CTNNB1: variants seen among roughly 807,000 people sequenced by gnomAD.
CTNNB1 encodes catenin beta 1.
A neutral mutation model predicts 82.5 loss-of-function variants in CTNNB1; 6 were observed. The ratio of observed to expected loss-of-function variants is 0.07; its 90% CI spans 0.04 to 0.14. The LOEUF is 0.14. Among genes scored for constraint, CTNNB1 ranks in the 10% least tolerant of loss-of-function variants. The probability of loss-of-function intolerance (pLI) is 1.00; values close to 1 mark genes in which losing one functional copy is unlikely to be tolerated. For synonymous variants in CTNNB1, 312 were observed against 329.7 expected, an observed-to-expected ratio of 0.95 and a Z score of 0.58; for missense variants, 529 against 980.4, an observed-to-expected ratio of 0.54 and a Z score of 6.15.
Position 41,233,840 on chromosome 3 carries a change from C to T in CTNNB1, c.1497C>T (p.His499=), listed in dbSNP as rs1254407353. Residue 499 remains histidine (H), a synonymous_variant, in exon 9 of 15, where the codon CAC becomes CAT. Coordinates refer to ENST00000349496, the MANE Select transcript of CTNNB1 (RefSeq NM_001904.4). ...YGLPVVVKLL[H]PPSHWPLIKA... The stretch of plus-strand genomic sequence containing the variant: ...TACCAGTTGTGGTTAAGCTCTTACA[C>T]CCACCATCCCACTGGCCTCTGATAA... 6.2e-7 allele frequency: 1 copy of T among 1,613,782 alleles called. No homozygotes were observed. The highest frequency in any genetic ancestry group is 1.3e-5 in the African/African-American group (1 of 74,872).
chr3:41,220,705 G>A (rs1173900129), intron 1 of CTNNB1: 2 of 152,060 alleles, frequency 1.3e-5, no homozygotes, highest in Admixed American at 6.6e-5. Flanking sequence ...ACTTTAAAAC[G>A]GGGAATAATT....
In CTNNB1 at chr3:41,234,261, C is replaced by T. The variant is rs1236283993; in HGVS notation, c.1647C>T (p.Arg549=). 1 of 1,614,184 alleles carries T rather than the reference C, an allele frequency of 6.2e-7. No homozygotes were observed. Residue 549 remains arginine (R), a synonymous_variant, in exon 10 of 15, where the codon CGC becomes CGT. Transcript: ENST00000349496. ...TTCGTGCACATCAGGATACCCAGCG[C>T]CGTACGTCCATGGGTGGGACACAGC... ...LLVRAHQDTQ[R]RTSMGGTQQQ...
At chr3:41,233,114 A>G in intron 7 of CTNNB1, 1 of 599,734 alleles carries the variant, frequency 1.7e-6, no homozygotes, top group Non-Finnish European at 3.0e-6. Context: ...TTTTCGGCTT[A>G]GGAAAGGAAC....
At chr3:41,208,577 C>T (rs867224924) in intron 1 of CTNNB1, among the ~76,000 whole-genome samples, 1 of 152,158 alleles carries the variant, frequency 6.6e-6, no homozygotes, top group South Asian at 2.1e-4. Context: ...CCCTGTTCCT[C>T]ACCCTCACTT....
chr3:41,221,379 G>C (rs920857391), intron 1 of CTNNB1: 1 of 149,644 alleles, frequency 6.7e-6, no homozygotes, highest in South Asian at 2.1e-4. Flanking sequence ...ACAGGGTCTT[G>C]CTCTGTTGCC....
At chr3:41,216,894 C>G in intron 1 of CTNNB1, among the ~76,000 whole-genome samples, 1 of 151,966 alleles carries the variant, frequency 6.6e-6, no homozygotes, top group African/African-American at 2.4e-5. Context: ...TCCACCATCC[C>G]CCGCTCACCT....
rs1366116475 is a variant in CTNNB1, at chr3:41,239,984, CTCTTTTTTTTT to C, written c.*644_*654del. 1.4e-4 allele frequency: 8 copies of C among 58,974 alleles called. No individual in the cohort carries two copies. The highest frequency in any genetic ancestry group is 4.5e-4 in the African/African-American group (5 of 11,102). 3.7% of individuals were successfully genotyped at this position (58,974 alleles called of 1,614,324 possible). On this transcript the variant is annotated 3_prime_UTR_variant, in exon 15 of 15. Transcript: ENST00000349496. ...ACTGACTTTGCTTGCTTTGAAGTAG[CTCTTTTTTTTT>C]TTTTTTTTTTTTTTTTGCAGTAACT...
chr3:41,238,985 G>T (rs997702025), intron 14 of CTNNB1, 149 bp from the exon 15 acceptor site: 5 of 720,000 alleles, frequency 6.9e-6, no homozygotes, highest in Non-Finnish European at 1.2e-5. Context: ...GAAAGCTGGA[G>T]GTTGAAGAGG....
At chr3:41,230,795 T>G (rs758601381) in intron 7 of CTNNB1, among the ~76,000 whole-genome samples, 1 of 152,202 alleles carries the variant, frequency 6.6e-6, no homozygotes. Context: ...CACCATGTGC[T>G]ATGTCTTAGA....
chr3:41,224,968 T>A lies in CTNNB1; in HGVS notation c.256T>A (p.Tyr86Asn). ...ACCTTTTCCAGATATTGATGGACAG[T>A]ATGCAATGACTCGAGCTCAGAGGGT... ...QEQVADIDGQ[Y>N]AMTRAQRVRA... Residue 86 changes from tyrosine (Y) to asparagine (N), a missense_variant, in exon 4 of 15, where the codon TAT becomes AAT. Physicochemically the swap from Tyr to Asn is moderately radical, Grantham distance 143 (BLOSUM62 -2). Coordinates refer to ENST00000349496, the MANE Select transcript of CTNNB1 (RefSeq NM_001904.4). 6.2e-7 allele frequency: 1 copy of A among 1,614,054 alleles called. No individual in the cohort carries two copies. Among genetic ancestry groups the A allele is most frequent in the Non-Finnish European group, 8.5e-7 (1 of 1,179,970 alleles).
intron 1 of CTNNB1, 27 bp from the exon 2 acceptor site, chr3:41,223,994 T>G: frequency 6.8e-7 from 1 of 1,478,592 alleles, no homozygotes; most frequent in Non-Finnish European, 9.5e-7. Context: ...ATTTAAATCC[T>G]AATGACTTTT....
At chr3:41,235,052 C>G (rs1479944984) in intron 10 of CTNNB1, 1 of 153,902 alleles carries the variant, frequency 6.5e-6, no homozygotes, top group African/African-American at 2.4e-5. Context: ...GTTGAGGGCA[C>G]CTTTTATTTT....
intron 1 of CTNNB1, among the ~76,000 whole-genome samples, chr3:41,218,620 G>T (rs549294396): frequency 2.0e-5 from 3 of 152,166 alleles, no homozygotes; most frequent in Non-Finnish European, 4.4e-5. Flanking sequence ...TAAAAGTGTC[G>T]CAGGACACTG....
At chr3:41,227,181 A>C in intron 6 of CTNNB1, 27 bp from the exon 7 acceptor site, 1 of 1,568,438 alleles carries the variant, frequency 6.4e-7, no homozygotes, top group South Asian at 1.1e-5. Flanking sequence ...TCCTTGACTA[A>C]CAAGATATAT....
chr3:41,208,840 C>T (rs186085150), intron 1 of CTNNB1, among the ~76,000 whole-genome samples: 192 of 152,268 alleles, frequency 1.3e-3, no homozygotes, highest in South Asian at 4.6e-3. Context: ...TCTACTGGCT[C>T]TTTCCATGAG....
chr3:41,210,706 T>C (rs946510739), intron 1 of CTNNB1, among the ~76,000 whole-genome samples: 4 of 152,132 alleles, frequency 2.6e-5, no homozygotes, highest in Non-Finnish European at 5.9e-5. Flanking sequence ...GAGTACACTC[T>C]AATGATAAAA....
In CTNNB1 at chr3:41,225,548, T is replaced by C. The variant is rs2125623452; in HGVS notation, c.710T>C (p.Ile237Thr). 1.9e-6 allele frequency: 3 copies of C among 1,614,162 alleles called. No individual in the cohort carries two copies. The highest frequency in any genetic ancestry group is 2.5e-6 in the Non-Finnish European group (3 of 1,179,998). The change falls in exon 5 of 15, where the codon ATT (isoleucine) becomes ACT (threonine). Residue 237 changes from isoleucine (I) to threonine (T), a missense_variant. Physicochemically the swap from Ile to Thr is moderately conservative, Grantham distance 89. Transcript: ENST00000349496. This position sits in a 1 kb window ranked among gnomAD's most constrained non-coding sequence, Gnocchi z 5.3. The part of the protein sequence containing the change: ...GLLAIFKSGG[I>T]PALVKMLGSP... Reference sequence around the variant, plus strand: ...CTGGCCATCTTTAAGTCTGGAGGCATTCCTGCCCTGGTGAAAATGCTTGGG... The same window carrying C: ...CTGGCCATCTTTAAGTCTGGAGGCACTCCTGCCCTGGTGAAAATGCTTGGG...
At chr3:41,232,306 A>G (rs1016960379) in intron 7 of CTNNB1, among the ~76,000 whole-genome samples, 1 of 152,172 alleles carries the variant, frequency 6.6e-6, no homozygotes, top group African/African-American at 2.4e-5. Context: ...TTTCACAAAT[A>G]CTGAGCATCC....
intron 14 of CTNNB1, among the ~76,000 whole-genome samples, chr3:41,238,821 G>A (rs761252813): frequency 3.3e-5 from 5 of 152,050 alleles, no homozygotes; most frequent in African/African-American, 7.3e-5. Context: ...TCTTCTCCTC[G>A]GGAACCCCAA....
Sources: gnomAD v4.1 joint callset for allele counts (sites outside exome capture counted in the v4.1 genomes callset) on GRCh38, gnomAD v4.1.1 for gene constraint, Gnocchi (gnomAD v3.1) non-coding constraint, MANE v1.5 for transcripts, NCBI Gene and HGNC (gene_info 2026-07-23, HGNC 2026-07-21) for gene names.